Variants in TMEM94 observed in about 807,000 individuals in gnomAD.
TMEM94 encodes the protein ER Mg2+ ATPase.
Under a neutral mutation model 158.6 loss-of-function variants are expected in TMEM94, and 81 were observed. The ratio of observed to expected loss-of-function variants is 0.51; its 90% CI spans 0.43 to 0.61. TMEM94 has a LOEUF of 0.61. Among genes scored for constraint, TMEM94 ranks in the 20% least tolerant of loss-of-function variants. TMEM94 has a pLI of 0.00. For missense variants in TMEM94, 1,435 were observed against 1,762.0 expected, an observed-to-expected ratio of 0.81 and a Z score of 3.32; for synonymous variants, 751 against 730.7, an observed-to-expected ratio of 1.03 and a Z score of -0.45.
At chr17:75,481,660 A>C (rs1205457842) in intron 2 of TMEM94, among the ~76,000 whole-genome samples, 2 of 152,234 alleles carry the variant, frequency 1.3e-5, no homozygotes, top group Admixed American at 6.5e-5. Context: ...GGACTCTGGG[A>C]GACAGAACTG....
rs2052940913 is a variant in TMEM94, at chr17:75,498,338, C to G, written c.3638+15C>G. The G allele has an allele frequency of 5.6e-6, 9 of 1,612,966 alleles. No homozygotes were observed. In the East Asian group the frequency reaches 2.0e-4, roughly 36 times the overall value. On this transcript the variant is annotated intron_variant, in intron 28 of 31. Transcript: ENST00000314256. This position sits in a 1 kb window ranked among gnomAD's most constrained non-coding sequence, Gnocchi z 6.7. ...ATGCTGCCCAGGTGGGTCCCAGCCC[C>G]AGAGATCCACCCATCGCCTGCCTCG...
At position 75,494,723 on chromosome 17, in the gene TMEM94, T is replaced by C; in HGVS notation, c.2504T>C (p.Leu835Pro). 6.2e-7 allele frequency: 1 copy of C among 1,613,770 alleles called. No individual in the cohort carries two copies. Among genetic ancestry groups the C allele is most frequent in the Non-Finnish European group, 8.5e-7 (1 of 1,180,032 alleles). Reference protein sequence around the residue: ...GMVSSQYQARLDIVRLIDGLV... With the variant: ...GMVSSQYQARPDIVRLIDGLV... ...GTGTCCTCCCAGTACCAGGCCCGGCTGGACATCGTGCGCCTCATTGATGGG... is the reference window on the plus strand; with the variant it reads ...GTGTCCTCCCAGTACCAGGCCCGGCCGGACATCGTGCGCCTCATTGATGGG... The change falls in exon 19 of 32, where the codon CTG (leucine) becomes CCG (proline). Residue 835 changes from leucine (L) to proline (P), a missense_variant. Around this residue, in one of 3 missense-constraint regions of TMEM94, gnomAD observed 1,051 missense variants for 1,254.4 expected, o/e 0.84. Transcript: ENST00000314256.
At chr17:75,475,431 C>G (rs774657235) in intron 2 of TMEM94, among the ~76,000 whole-genome samples, 4 of 152,230 alleles carry the variant, frequency 2.6e-5, no homozygotes, top group Non-Finnish European at 5.9e-5. Context: ...AGCTCACACT[C>G]TCCAGCTCTG....
At position 75,463,059 on chromosome 17, in the gene TMEM94, TATATATATATATATATATATAC is replaced by T. The variant is rs2050147232; in HGVS notation, c.-107+6310_-107+6331del. The stretch of plus-strand genomic sequence containing the variant: ...AAAAATATATATATATATATATATA[TATATATATATATATATATATAC>T]ACACACACACACATATATATGTGTG... On this transcript the variant is annotated intron_variant, in intron 1 of 31. Transcript: ENST00000314256. Among the ~76,000 whole-genome samples the T allele has an allele frequency of 1.9e-4, 3 of 15,498 alleles. 1 individual carries two copies. In the African/African-American group the frequency reaches 2.7e-3, roughly 14 times the overall value. 10.2% of individuals were successfully genotyped at this position (15,498 alleles called of 152,430 possible). A position where few individuals can be genotyped will look rare whatever the true frequency, so the allele number is the denominator to read the frequency against.
chr17:75,491,791 C>T lies in TMEM94; in HGVS notation c.1487C>T (p.Pro496Leu). The T allele has an allele frequency of 1.2e-6, 2 of 1,614,092 alleles. No homozygotes were observed. Among genetic ancestry groups the T allele is most frequent in the Non-Finnish European group, 8.5e-7 (1 of 1,180,036 alleles). Reference sequence around the variant, plus strand: ...GACTGGCCTGGCGAGGCTCCCAAGCCCCCCGAGCCCTATTCACACCACAAA... The same window carrying T: ...GACTGGCCTGGCGAGGCTCCCAAGCTCCCCGAGCCCTATTCACACCACAAA... ...RGDWPGEAPKPPEPYSHHKAH... is the reference protein window; with the variant it reads ...RGDWPGEAPKLPEPYSHHKAH... Residue 496 changes from proline to leucine, a missense_variant, in exon 14 of 32, where the codon CCC becomes CTC. Physicochemically the swap from Pro to Leu is moderately conservative, Grantham distance 98. This residue lies in a region of TMEM94 where 1,051 missense variants were observed against 1,254.4 expected (regional missense o/e 0.84). Coordinates refer to ENST00000314256, the MANE Select transcript of TMEM94 (RefSeq NM_014738.6). This position sits in a 1 kb window ranked among gnomAD's most constrained non-coding sequence, Gnocchi z 5.1.
In TMEM94 at chr17:75,498,240, C is replaced by T. The variant is rs377509312; in HGVS notation, c.3555C>T (p.Ile1185=). The T allele has an allele frequency of 5.9e-5, 96 of 1,613,918 alleles. No individual in the cohort carries two copies. The highest frequency in any genetic ancestry group is 8.1e-5 in the Non-Finnish European group (95 of 1,180,026). Residue 1185 remains isoleucine, a synonymous_variant, in exon 28 of 32, where the codon ATC becomes ATT. Coordinates refer to ENST00000314256, the MANE Select transcript of TMEM94 (RefSeq NM_014738.6). This position sits in a 1 kb window ranked among gnomAD's most constrained non-coding sequence, Gnocchi z 6.7. ...GCCTCACCATCAGCTCCTGCCTCAT[C>T]TGCTTTGGCTTCACACTGCAGAGCT... is the stretch of plus-strand genomic sequence containing the variant. The part of the protein sequence containing the change: ...KFSLTISSCL[I]CFGFTLQSFC...
Position 75,498,138 on chromosome 17 carries a change from C to T in TMEM94, c.3490-37C>T. The T allele has an allele frequency of 6.2e-7, 1 of 1,609,496 alleles. No individual in the cohort carries two copies. The highest frequency in any genetic ancestry group is 2.2e-5 in the East Asian group (1 of 44,778). ...GAGCTAGGAGCAGCCGGCAGAGGGGCTGTGCGCCCCAGGAGTGACTGGCCT... is the reference window on the plus strand; with the variant it reads ...GAGCTAGGAGCAGCCGGCAGAGGGGTTGTGCGCCCCAGGAGTGACTGGCCT... On this transcript the variant is annotated intron_variant, in intron 27 of 31. Coordinates refer to ENST00000314256, the MANE Select transcript of TMEM94 (RefSeq NM_014738.6). This position sits in a 1 kb window ranked among gnomAD's most constrained non-coding sequence, Gnocchi z 6.7.
At position 75,488,799 on chromosome 17, in the gene TMEM94, C is replaced by G; in HGVS notation, c.653C>G (p.Pro218Arg). ...HIVLEPGDLF[P>R]PFSPPPSPRG... Reference sequence around the variant, plus strand: ...GTCCTGGAGCCGGGAGACCTCTTCCCCCCCTTCTCCCCTCCACCCTCACCC... The same window carrying G: ...GTCCTGGAGCCGGGAGACCTCTTCCGCCCCTTCTCCCCTCCACCCTCACCC... The change falls in exon 7 of 32, where the codon CCC (proline) becomes CGC (arginine). Residue 218 changes from proline to arginine, a missense_variant. Pro to Arg is a moderately radical substitution (Grantham distance 103). Transcript: ENST00000314256. 1 of 1,613,578 alleles carries G rather than the reference C, an allele frequency of 6.2e-7. No homozygotes were observed. Among genetic ancestry groups the G allele is most frequent in the Non-Finnish European group, 8.5e-7 (1 of 1,179,750 alleles).
rs1469614005 is a variant in TMEM94 at position 75,498,513 on chromosome 17, G to A, written c.3708G>A (p.Thr1236=). 2.5e-6 allele frequency: 4 copies of A among 1,604,146 alleles called. No individual in the cohort carries two copies. The highest frequency in any genetic ancestry group is 2.2e-5 in the East Asian group (1 of 44,788). Residue 1236 remains threonine, a synonymous_variant, in exon 29 of 32, where the codon ACG becomes ACA. Coordinates refer to ENST00000314256, the MANE Select transcript of TMEM94 (RefSeq NM_014738.6). This position sits in a 1 kb window ranked among gnomAD's most constrained non-coding sequence, Gnocchi z 6.7. ...ANGLLSAQKL[T]AALIVLHTVF... ...GACTGCTGTCGGCTCAGAAGCTCAC[G>A]GCCGCCCTGATTGTCCTGCACACTG...
Position 75,489,534 on chromosome 17 carries a change from A to G in TMEM94, c.868-42A>G. 1 of 1,578,866 alleles carries G rather than the reference A, an allele frequency of 6.3e-7. No individual in the cohort carries two copies. The highest frequency in any genetic ancestry group is 2.2e-5 in the East Asian group (1 of 44,702). ...GGAACGGCAGTGCCTGGGTCCCTCT[A>G]GAGGGGCGGGGTCAAGGCTGTGCCT... On this transcript the variant is annotated intron_variant, in intron 8 of 31. Coordinates refer to ENST00000314256, the MANE Select transcript of TMEM94 (RefSeq NM_014738.6). The surrounding 1 kb of genome is among the most constrained non-coding windows in gnomAD (Gnocchi z 5.0).
chr17:75,471,181 A>G (rs761622574), intron 1 of TMEM94, among the ~76,000 whole-genome samples: 72 of 147,134 alleles, frequency 4.9e-4, no homozygotes, highest in African/African-American at 1.6e-3. Context: ...GGTTGCAACA[A>G]TGAGCCAAGA....
In TMEM94 at chr17:75,493,890, C is replaced by A; in HGVS notation, c.2381C>A (p.Ala794Asp). The part of the protein sequence containing the change: ...LPSTIPIKQN[A>D]RRSSWSSDEG... ...AGCACCATCCCCATCAAGCAGAACGCCCGCCGCAGCAGCTGGAGCTCTGAC... is the reference window on the plus strand; with the variant it reads ...AGCACCATCCCCATCAAGCAGAACGACCGCCGCAGCAGCTGGAGCTCTGAC... The change falls in exon 18 of 32, where the codon GCC becomes GAC. Residue 794 changes from alanine (A) to aspartate (D), a missense_variant. Physicochemically the swap from Ala to Asp is moderately radical, Grantham distance 126. Transcript: ENST00000314256. 1.2e-6 allele frequency: 2 copies of A among 1,612,292 alleles called. No individual in the cohort carries two copies. The highest frequency in any genetic ancestry group is 1.7e-6 in the Non-Finnish European group (2 of 1,179,964).
chr17:75,459,011 C>T (rs577443125), intron 1 of TMEM94, among the ~76,000 whole-genome samples: 43 of 150,652 alleles, frequency 2.9e-4, no homozygotes, highest in Non-Finnish European at 4.9e-4. Context: ...GAGCCGAGAT[C>T]GCGCCACTGC....
chr17:75,486,576 C>T (rs2051633256), intron 5 of TMEM94, 150 bp downstream of exon 5: 2 of 985,780 alleles, frequency 2.0e-6, no homozygotes, highest in Non-Finnish European at 3.0e-6. Context: ...AGGATGCCCA[C>T]TCTCTTTTGA....
chr17:75,477,524 CA>C (rs2050771164), intron 2 of TMEM94, among the ~76,000 whole-genome samples: 1 of 152,060 alleles, frequency 6.6e-6, no homozygotes, highest in Non-Finnish European at 1.5e-5. Flanking sequence ...GCTGGGGTTA[CA>C]GGCATGAGCC....
At chr17:75,472,019 G>A in intron 2 of TMEM94, 90 bp downstream of exon 2, 3 of 1,390,628 alleles carry the variant, frequency 2.2e-6, no homozygotes, top group Non-Finnish European at 3.1e-6. Flanking sequence ...ATCCTTAACT[G>A]GGGGCTTTAA....
At chr17:75,497,476 C>T (rs1567978687) in intron 26 of TMEM94, among the ~76,000 whole-genome samples, 4 of 151,976 alleles carry the variant, frequency 2.6e-5, no homozygotes. Context: ...GCCTCAGCCC[C>T]CTGAGTAGCT....
chr17:75,482,719 T>C (rs1451807898), intron 2 of TMEM94, among the ~76,000 whole-genome samples: 3 of 152,226 alleles, frequency 2.0e-5, no homozygotes, highest in Admixed American at 2.0e-4. Context: ...AGCTGCGGAA[T>C]GCCTCGGGTT....
intron 6 of TMEM94, 103 bp from the exon 7 acceptor site, chr17:75,488,656 T>C: frequency 7.2e-7 from 1 of 1,385,562 alleles, no homozygotes; most frequent in Non-Finnish European, 1.0e-6. Context: ...GGCTAACTGA[T>C]GGCTCCTAAC....
Sources: allele counts gnomAD v4.1 joint callset (sites outside exome capture counted in the v4.1 genomes callset), GRCh38; gene constraint gnomAD v4.1.1; regional missense constraint gnomAD v4.1.1; non-coding constraint Gnocchi (gnomAD v3.1); transcripts MANE v1.5; gene names NCBI Gene and HGNC (gene_info 2026-07-23, HGNC 2026-07-21).